The following SCGN variants were observed in gnomAD, a reference collection of about 807,000 sequenced individuals.
The protein encoded by SCGN is secretagogin.
In SCGN, 30 loss-of-function variants were observed where a neutral mutation model predicts 39.7. The ratio of observed to expected loss-of-function variants is 0.76; its 90% CI spans 0.57 to 1.03. SCGN has a LOEUF of 1.03. SCGN is among the 50% of genes least tolerant of loss of function. SCGN has a pLI of 0.00. For missense variants in SCGN, 353 were observed against 349.4 expected, an observed-to-expected ratio of 1.01 and a Z score of -0.08; for synonymous variants, 106 against 114.1, an observed-to-expected ratio of 0.93 and a Z score of 0.45.
At chr6:25,674,397 T>G (rs1288312467) in intron 6 of SCGN, among the ~76,000 whole-genome samples, 1 of 152,230 alleles carries the variant, frequency 6.6e-6, no homozygotes, top group Non-Finnish European at 1.5e-5. Flanking sequence ...TGACAGTTGG[T>G]TTTTTAAAAG....
intron 6 of SCGN, among the ~76,000 whole-genome samples, chr6:25,680,674 TG>T (rs1759627179): frequency 6.6e-6 from 1 of 152,214 alleles, no homozygotes; most frequent in Non-Finnish European, 1.5e-5. Flanking sequence ...AAATAACTCA[TG>T]GCTCATCTTC....
chr6:25,659,100 C>T (rs1264495531), intron 2 of SCGN, among the ~76,000 whole-genome samples: 2 of 152,206 alleles, frequency 1.3e-5, no homozygotes, highest in Non-Finnish European at 2.9e-5. Context: ...TTATCAGGGG[C>T]TGAGGTCTAG....
intron 6 of SCGN, among the ~76,000 whole-genome samples, chr6:25,672,579 A>G (rs1422437800): frequency 6.6e-6 from 1 of 152,174 alleles, no homozygotes; most frequent in Non-Finnish European, 1.5e-5. Flanking sequence ...GATTTTTAAG[A>G]ACAGGGAGAA....
At chr6:25,678,995 C>T (rs544111317) in intron 6 of SCGN, 1 of 151,696 alleles carries the variant, frequency 6.6e-6, no homozygotes, top group East Asian at 1.9e-4. Context: ...GACCAAGTTC[C>T]TGGACAGTTC....
At chr6:25,660,874 T>G (rs1760323240) in intron 2 of SCGN, among the ~76,000 whole-genome samples, 1 of 152,228 alleles carries the variant, frequency 6.6e-6, no homozygotes, top group Non-Finnish European at 1.5e-5. Flanking sequence ...ATCTTACAAT[T>G]GGGCACTGTT....
At position 25,669,903 on chromosome 6, in the gene SCGN, A is replaced by T. The variant is rs553119209; in HGVS notation, c.394-96A>T. On this transcript the variant is annotated intron_variant, in intron 5 of 10. Transcript: ENST00000377961. ...TAAAAGCATTTTATTTCCTCCTGGA[A>T]ACAAGCAACTCACAATTCTTGAAAT... is the stretch of plus-strand genomic sequence containing the variant. The T allele has an allele frequency of 1.0e-4, 100 of 1,004,002 alleles. 1 individual carries two copies. Among genetic ancestry groups the T allele is most frequent in the South Asian group, 1.9e-4 (14 of 73,534 alleles). The allele number at this position is 1,004,002 out of a possible 1,614,324, so 62.2% of individuals were successfully genotyped here.
At chr6:25,662,862 A>G (rs1760360630) in intron 3 of SCGN, among the ~76,000 whole-genome samples, 1 of 152,364 alleles carries the variant, frequency 6.6e-6, no homozygotes, top group Middle Eastern at 3.4e-3. Context: ...CAAAATATTC[A>G]TAACTACATG....
At chr6:25,679,560 TC>T (rs146734432) in intron 6 of SCGN, among the ~76,000 whole-genome samples, 1,680 of 152,272 alleles carry the variant, frequency 0.011, 14 homozygotes, top group South Asian at 0.02. Context: ...CTCATGGAGC[TC>T]AGGCTGTGAC....
rs9467551 is a variant in SCGN at position 25,656,485 on chromosome 6, T to C, written c.153+3033T>C. On this transcript the variant is annotated intron_variant, in intron 2 of 10. Coordinates refer to ENST00000377961, the MANE Select transcript of SCGN (RefSeq NM_006998.4). ...GACTTAATGGAACCATCAGCTGCAATTGCTGCTGTTTCTGTTACTCCCTGC... is the reference window on the plus strand; with the variant it reads ...GACTTAATGGAACCATCAGCTGCAACTGCTGCTGTTTCTGTTACTCCCTGC... Among the ~76,000 whole-genome samples, 805 of 152,302 alleles carry C rather than the reference T, an allele frequency of 5.3e-3. 1 individual carries two copies. Among genetic ancestry groups the C allele is most frequent in the African/African-American group, 0.018 (732 of 41,558 alleles).
chr6:25,674,721 C>T (rs1459759700), intron 6 of SCGN, among the ~76,000 whole-genome samples: 1 of 152,156 alleles, frequency 6.6e-6, no homozygotes, highest in African/African-American at 2.4e-5. Context: ...GGCAGAATGA[C>T]CAAACAGAAG....
chr6:25,699,256 GA>G (rs1759877001), intron 10 of SCGN, among the ~76,000 whole-genome samples: 2 of 152,232 alleles, frequency 1.3e-5, no homozygotes, highest in Non-Finnish European at 2.9e-5. Flanking sequence ...GAAGTTTTCT[GA>G]AAAGGAATTT....
At chr6:25,685,547 T>C (rs1759693951) in intron 7 of SCGN, among the ~76,000 whole-genome samples, 1 of 152,128 alleles carries the variant, frequency 6.6e-6, no homozygotes, top group South Asian at 2.1e-4. Context: ...ATTTTCCACA[T>C]AGTTGTATTA....
intron 10 of SCGN, among the ~76,000 whole-genome samples, chr6:25,697,648 T>A (rs1759854968): frequency 6.6e-6 from 1 of 152,206 alleles, no homozygotes; most frequent in East Asian, 1.9e-4. Flanking sequence ...TTCATAGATA[T>A]AATTGAGCAC....
At chr6:25,655,021 C>A (rs980365821) in intron 2 of SCGN, among the ~76,000 whole-genome samples, 2 of 152,228 alleles carry the variant, frequency 1.3e-5, no homozygotes, top group African/African-American at 4.8e-5. Context: ...CACGTGCTAG[C>A]AGCCCATGGT....
At chr6:25,678,147 T>C (rs1383119760) in intron 6 of SCGN, among the ~76,000 whole-genome samples, 1 of 152,146 alleles carries the variant, frequency 6.6e-6, no homozygotes. Flanking sequence ...ATAGCACCTT[T>C]CAGGTAGTTA....
At position 25,652,369 on chromosome 6, in the gene SCGN, T is replaced by C; in HGVS notation, c.-35T>C. 6.3e-7 allele frequency: 1 copy of C among 1,598,146 alleles called. No individual in the cohort carries two copies. ...GTCCTTCCCAAAGTTGTCTAGGTCCTTCCGCGCCGGTGCCTGGTCTTCGTC... is the reference window on the plus strand; with the variant it reads ...GTCCTTCCCAAAGTTGTCTAGGTCCCTCCGCGCCGGTGCCTGGTCTTCGTC... On this transcript the variant is annotated 5_prime_UTR_variant, in exon 1 of 11. Transcript: ENST00000377961.
chr6:25,688,742 C>CA (rs1198150338), intron 7 of SCGN, among the ~76,000 whole-genome samples: 2 of 140,858 alleles, frequency 1.4e-5, no homozygotes, highest in African/African-American at 5.2e-5. Flanking sequence ...GCGGAGCTTG[C>CA]AGAGAGGCGA....
chr6:25,676,813 G>C (rs1561766111), intron 6 of SCGN, among the ~76,000 whole-genome samples: 1 of 152,040 alleles, frequency 6.6e-6, no homozygotes, highest in Non-Finnish European at 1.5e-5. Context: ...AGCTCCATGA[G>C]AGCATGAATC....
At chr6:25,684,425 G>C (rs9348689) in intron 7 of SCGN, among the ~76,000 whole-genome samples, 1 of 151,888 alleles carries the variant, frequency 6.6e-6, no homozygotes, top group Non-Finnish European at 1.5e-5. Context: ...CCCACAGATA[G>C]GGGGTGCCAA....
Sources: allele counts gnomAD v4.1 joint callset (sites outside exome capture counted in the v4.1 genomes callset), GRCh38; gene constraint gnomAD v4.1.1; transcripts MANE v1.5; gene names NCBI Gene and HGNC (gene_info 2026-07-23, HGNC 2026-07-21).